The following AP4S1 variants were observed in gnomAD, a reference collection of about 807,000 sequenced individuals.
The protein encoded by AP4S1 is AP-4 complex subunit sigma-1.
In AP4S1, 23 loss-of-function variants were observed where a neutral mutation model predicts 19.8. The ratio of observed to expected loss-of-function variants is 1.16; its 90% CI spans 0.84 to 1.65. The LOEUF is 1.65. Among genes scored for constraint, AP4S1 ranks in the 40% most tolerant of loss-of-function variants. The probability of loss-of-function intolerance (pLI) is 0.00; values close to 1 mark genes in which losing one functional copy is unlikely to be tolerated. For missense variants in AP4S1, 166 were observed against 172.8 expected, an observed-to-expected ratio of 0.96 and a Z score of 0.22; for synonymous variants, 46 against 54.1, an observed-to-expected ratio of 0.85 and a Z score of 0.66.
chr14:31,092,878 T>C (rs199986064), intron 5 of AP4S1, 29 bp from the exon 6 acceptor site: 4 of 1,453,918 alleles, frequency 2.8e-6, no homozygotes, highest in Non-Finnish European at 3.7e-6. Context: ...ATTTTTAACT[T>C]TAAACTAATT....
At chr14:31,026,366 T>C (rs927073611) in intron 1 of AP4S1, 3 of 234,112 alleles carry the variant, frequency 1.3e-5, no homozygotes, top group Admixed American at 1.1e-4. Flanking sequence ...GCCATTACAA[T>C]CCCTCCTCCA....
intron 1 of AP4S1, among the ~76,000 whole-genome samples, chr14:31,041,400 C>T (rs1165648544): frequency 2.0e-5 from 3 of 152,130 alleles, no homozygotes; most frequent in Non-Finnish European, 2.9e-5. Context: ...CCGCCTGCCT[C>T]GGCCTCCCAA....
intron 2 of AP4S1, among the ~76,000 whole-genome samples, chr14:31,068,118 T>A (rs749519530): frequency 1.3e-5 from 2 of 152,180 alleles, no homozygotes; most frequent in Admixed American, 6.5e-5. Context: ...GCCACCCGCC[T>A]TGGCCTCCTA....
chr14:31,059,220 GAT>G (rs747075485), intron 1 of AP4S1, among the ~76,000 whole-genome samples: 1 of 152,164 alleles, frequency 6.6e-6, no homozygotes, highest in South Asian at 2.1e-4. Flanking sequence ...AGAAAAGAAA[GAT>G]ATATGCAAGT....
chr14:31,052,934 A>ATTTTTTTTTTTTTTTTTTTTTTTTTTTTT (rs1209280743), intron 1 of AP4S1, among the ~76,000 whole-genome samples: 6 of 101,240 alleles, frequency 5.9e-5, no homozygotes, highest in Admixed American at 1.4e-4. Context: ...AGTGTGCTAA[A>ATTTTTTTTTTTTTTTTTTTTTTTTTTTTT]TTTTTTTTTT....
chr14:31,073,351 G>A (rs527659729), intron 4 of AP4S1, among the ~76,000 whole-genome samples: 2,139 of 135,558 alleles, frequency 0.016, 91 homozygotes, highest in Non-Finnish European at 0.023. Flanking sequence ...TTAGCTGGGC[G>A]TGGTGGTGGG....
chr14:31,073,153 C>T, intron 4 of AP4S1, 180 bp downstream of exon 4: 1 of 623,588 alleles, frequency 1.6e-6, no homozygotes, highest in South Asian at 1.7e-5. Flanking sequence ...TGTTACAAGC[C>T]TATACATGCC....
chr14:31,089,191 A>T (rs767328057), intron 5 of AP4S1, among the ~76,000 whole-genome samples: 1 of 151,824 alleles, frequency 6.6e-6, no homozygotes, highest in Non-Finnish European at 1.5e-5. Flanking sequence ...AGTGAACAGA[A>T]GACTATACTA....
At chr14:31,036,761 T>G (rs990998653) in intron 1 of AP4S1, among the ~76,000 whole-genome samples, 1 of 152,170 alleles carries the variant, frequency 6.6e-6, no homozygotes, top group Non-Finnish European at 1.5e-5. Flanking sequence ...CTTTTTTAGG[T>G]GATGACTTAG....
intron 1 of AP4S1, among the ~76,000 whole-genome samples, chr14:31,063,559 A>G (rs1349916439): frequency 6.6e-6 from 1 of 152,178 alleles, no homozygotes; most frequent in Non-Finnish European, 1.5e-5. Flanking sequence ...GTTCAAGGCT[A>G]TAGTGAGCCA....
chr14:31,069,946 GC>G lies in AP4S1; in HGVS notation c.225+20del. The G allele has an allele frequency of 1.9e-6, 3 of 1,583,972 alleles. No homozygotes were observed. The highest frequency in any genetic ancestry group is 2.6e-6 in the Non-Finnish European group (3 of 1,152,696). ...GACACTGAGGTAAGATAATAGAAGA[GC>G]CCTTGGAAAATGCAAGAATTTCTTT... On this transcript the variant is annotated intron_variant, in intron 3 of 5. Transcript: ENST00000542754.
chr14:31,030,034 GC>G (rs1266278854), intron 1 of AP4S1, among the ~76,000 whole-genome samples: 6 of 151,150 alleles, frequency 4.0e-5, no homozygotes, highest in African/African-American at 1.5e-4. Context: ...AGGCTGGAGT[GC>G]AGTGGCACAA....
At chr14:31,083,611 C>T (rs1197132926) in intron 5 of AP4S1, 1 of 439,090 alleles carries the variant, frequency 2.3e-6, no homozygotes, top group Non-Finnish European at 4.5e-6. Context: ...CTCAAGTGAT[C>T]CTCCTACCTC....
intron 3 of AP4S1, among the ~76,000 whole-genome samples, chr14:31,072,646 C>T (rs550932798): frequency 3.3e-5 from 5 of 152,144 alleles, no homozygotes; most frequent in Non-Finnish European, 5.9e-5. Flanking sequence ...GCTAGGATTA[C>T]GGATATGAAC....
chr14:31,043,701 T>C lies in AP4S1; in HGVS notation c.-72+17914T>C, dbSNP rs141465796. ...TAAATTTTGAGGCAAAGAAACAATG[T>C]TTTTGTTATGTACAAACATAATATA... On this transcript the variant is annotated intron_variant, in intron 1 of 5. Coordinates refer to ENST00000542754, the MANE Select transcript of AP4S1 (RefSeq NM_001128126.3). Among the ~76,000 whole-genome samples, 150 of 152,304 alleles carry C rather than the reference T, an allele frequency of 9.8e-4. 1 individual carries two copies. The highest frequency in any genetic ancestry group is 3.4e-3 in the African/African-American group (140 of 41,582).
chr14:31,025,826 T>C, intron 1 of AP4S1, 39 bp downstream of exon 1: 1 of 1,534,128 alleles, frequency 6.5e-7, no homozygotes, highest in Admixed American at 2.0e-5. Flanking sequence ...CGGCTCCGGC[T>C]GAGTGGAGTC....
At chr14:31,065,340 G>GT (rs1258422028) in intron 1 of AP4S1, among the ~76,000 whole-genome samples, 1 of 152,180 alleles carries the variant, frequency 6.6e-6, no homozygotes, top group Non-Finnish European at 1.5e-5. Context: ...CCGGGAAGCA[G>GT]TTCTTCACTC....
At chr14:31,071,525 A>T (rs1887000856) in intron 3 of AP4S1, among the ~76,000 whole-genome samples, 1 of 152,112 alleles carries the variant, frequency 6.6e-6, no homozygotes, top group Non-Finnish European at 1.5e-5. Flanking sequence ...GGTTCAAGCG[A>T]TTCTCCTGCC....
At chr14:31,071,804 G>A (rs543468349) in intron 3 of AP4S1, among the ~76,000 whole-genome samples, 2 of 152,134 alleles carry the variant, frequency 1.3e-5, no homozygotes. Flanking sequence ...TGACCTCCTG[G>A]CCTGAAGTGA....
Sources: gnomAD v4.1 joint callset for allele counts (sites outside exome capture counted in the v4.1 genomes callset) on GRCh38, gnomAD v4.1.1 for gene constraint, MANE v1.5 for transcripts, NCBI Gene and HGNC (gene_info 2026-07-23, HGNC 2026-07-21) for gene names.